The following CDH3 variants were observed in gnomAD, a reference collection of about 807,000 sequenced individuals.
The protein encoded by CDH3 is cadherin-3.
Under a neutral mutation model 82.0 loss-of-function variants are expected in CDH3, and 54 were observed. The observed-to-expected ratio is 0.66, with a 90% CI of 0.53 to 0.83. CDH3 has a LOEUF of 0.83. Ranked by LOEUF, CDH3 falls within the 40% of genes least tolerant of loss-of-function variation. CDH3 has a pLI of 0.00. For synonymous variants in CDH3, 446 were observed against 437.9 expected, an observed-to-expected ratio of 1.02 and a Z score of -0.23; for missense variants, 1,054 against 1,084.6, an observed-to-expected ratio of 0.97 and a Z score of 0.40.
At chr16:68,710,517 C>A (rs1050963018) in intron 1 of CDH3, among the ~76,000 whole-genome samples, 1 of 152,120 alleles carries the variant, frequency 6.6e-6, no homozygotes, top group Admixed American at 6.6e-5. Flanking sequence ...CACAGGACAG[C>A]CCCCACAGCA....
intron 3 of CDH3, 42 bp downstream of exon 3, chr16:68,676,512 C>T (rs1216862014): frequency 2.7e-6 from 4 of 1,487,756 alleles, no homozygotes; most frequent in South Asian, 2.3e-5. Context: ...GAAAGATGTT[C>T]TCTGTGCATG....
At chr16:68,649,481 C>T (rs1028749567) in intron 2 of CDH3, among the ~76,000 whole-genome samples, 3 of 152,242 alleles carry the variant, frequency 2.0e-5, no homozygotes, top group African/African-American at 4.8e-5. Flanking sequence ...CACTGTTCCA[C>T]AACTTCAACT....
At chr16:68,718,446 G>A (rs896958974) in intron 1 of CDH3, among the ~76,000 whole-genome samples, 6 of 152,016 alleles carry the variant, frequency 3.9e-5, no homozygotes, top group East Asian at 2.0e-4. Context: ...TTGGGAGGCC[G>A]AGGCGGGTGG....
Position 68,645,671 on chromosome 16 carries a change from C to T in CDH3, c.81C>T (p.Cys27=). ...CWLQCAASEP[C]RAVFREAEVT... ...TGCAGTGCGCGGCCTCCGAGCCGTG[C>T]CGGGCGGTCTTCAGGGAGGCTGAAG... The change falls in exon 2 of 16, where the codon TGC becomes TGT. Residue 27 remains cysteine, a synonymous_variant. Transcript: ENST00000264012. The T allele has an allele frequency of 6.5e-7, 1 of 1,544,708 alleles. No individual in the cohort carries two copies. The highest frequency in any genetic ancestry group is 8.7e-7 in the Non-Finnish European group (1 of 1,146,638).
At chr16:68,720,862 C>T (rs1313732264) in intron 1 of CDH3, among the ~76,000 whole-genome samples, 5 of 151,958 alleles carry the variant, frequency 3.3e-5, no homozygotes, top group Admixed American at 2.6e-4. Flanking sequence ...TCAAGTGATC[C>T]ACCCTCCTCG....
At chr16:68,650,621 C>T (rs550289753) in intron 2 of CDH3, among the ~76,000 whole-genome samples, 1 of 152,280 alleles carries the variant, frequency 6.6e-6, no homozygotes, top group Admixed American at 6.5e-5. Context: ...TTTAATATTT[C>T]CTGAAACTTC....
At chr16:68,691,990 G>T in intron 13 of CDH3, 64 bp downstream of exon 13, 1 of 1,357,446 alleles carries the variant, frequency 7.4e-7, no homozygotes, top group South Asian at 1.2e-5. Flanking sequence ...ATTCTACCTT[G>T]AGCTTTAACT....
intron 13 of CDH3, among the ~76,000 whole-genome samples, chr16:68,694,750 A>C (rs1325345938): frequency 3.9e-5 from 6 of 152,168 alleles, no homozygotes; most frequent in Admixed American, 3.3e-4. Flanking sequence ...ACTAAAAGAG[A>C]GTCTCATTGA....
chr16:68,657,726 C>A (rs1960443781), intron 2 of CDH3, among the ~76,000 whole-genome samples: 1 of 152,154 alleles, frequency 6.6e-6, no homozygotes, highest in African/African-American at 2.4e-5. Context: ...GACTCTGAGG[C>A]ATCTTAGGGC....
intron 2 of CDH3, among the ~76,000 whole-genome samples, chr16:68,646,321 C>T (rs1006571354): frequency 6.6e-6 from 1 of 152,174 alleles, no homozygotes; most frequent in Admixed American, 6.5e-5. Context: ...AAACTGGGCC[C>T]TGGCACACCT....
chr16:68,663,240 T>TC (rs1555505044), intron 2 of CDH3, among the ~76,000 whole-genome samples: 2 of 149,562 alleles, frequency 1.3e-5, no homozygotes, highest in African/African-American at 2.5e-5. Flanking sequence ...TTTTTTTTTT[T>TC]CTGAGACGGA....
At chr16:68,680,417 G>A (rs964996830) in intron 7 of CDH3, among the ~76,000 whole-genome samples, 8 of 152,152 alleles carry the variant, frequency 5.3e-5, no homozygotes, top group Non-Finnish European at 1.0e-4. Flanking sequence ...AGTGGCTCAC[G>A]CATGTAATCT....
At chr16:68,674,445 T>C (rs934399519) in intron 2 of CDH3, among the ~76,000 whole-genome samples, 107 of 152,324 alleles carry the variant, frequency 7.0e-4, no homozygotes, top group African/African-American at 2.4e-3. Flanking sequence ...AGGATTCTTC[T>C]TTTTCGGCCA....
intron 2 of CDH3, among the ~76,000 whole-genome samples, chr16:68,725,886 T>G (rs1962214014): frequency 6.6e-6 from 1 of 151,206 alleles, no homozygotes; most frequent in Non-Finnish European, 1.5e-5. Context: ...AAATACTGTC[T>G]CTACAAAAAA....
At chr16:68,653,149 C>G (rs891706128) in intron 2 of CDH3, among the ~76,000 whole-genome samples, 1 of 152,122 alleles carries the variant, frequency 6.6e-6, no homozygotes. Context: ...CCCTGCCAGA[C>G]CCCACCCCCT....
In CDH3 at chr16:68,687,533, C is replaced by A. The variant is rs376645345; in HGVS notation, c.1592C>A (p.Thr531Lys). 1.2e-6 allele frequency: 2 copies of A among 1,613,946 alleles called. No individual in the cohort carries two copies. The highest frequency in any genetic ancestry group is 1.7e-6 in the Non-Finnish European group (2 of 1,179,998). The change falls in exon 12 of 16, where the codon ACG becomes AAG. Residue 531 changes from threonine to lysine, a missense_variant. Thr to Lys is a moderately conservative substitution (Grantham distance 78, BLOSUM62 -1). Coordinates refer to ENST00000264012, the MANE Select transcript of CDH3 (RefSeq NM_001793.6). Reference protein sequence around the residue: ...MDNGSPPTTGTGTLLLTLIDV... With the variant: ...MDNGSPPTTGKGTLLLTLIDV... ...ACAGGAAGCCCTCCCACCACTGGCACGGGAACCCTTCTGCTAACACTGATT... is the reference window on the plus strand; with the variant it reads ...ACAGGAAGCCCTCCCACCACTGGCAAGGGAACCCTTCTGCTAACACTGATT...
chr16:68,651,179 G>C, intron 2 of CDH3: 1 of 491,044 alleles, frequency 2.0e-6, no homozygotes, highest in Non-Finnish European at 4.1e-6. Context: ...CCAAAGACCT[G>C]GCTGCTCTGG....
chr16:68,667,596 G>A (rs1960770364), intron 2 of CDH3, among the ~76,000 whole-genome samples: 1 of 152,194 alleles, frequency 6.6e-6, no homozygotes, highest in African/African-American at 2.4e-5. Context: ...GAGGTGTCTA[G>A]GCAAATTCCA....
At chr16:68,669,552 C>T (rs550982782) in intron 2 of CDH3, among the ~76,000 whole-genome samples, 15 of 151,556 alleles carry the variant, frequency 9.9e-5, no homozygotes, top group Non-Finnish European at 2.1e-4. Flanking sequence ...GTGAGTTGTA[C>T]ACTCTAGTGG....
Sources: allele counts gnomAD v4.1 joint callset (sites outside exome capture counted in the v4.1 genomes callset), GRCh38; gene constraint gnomAD v4.1.1; transcripts MANE v1.5; gene names NCBI Gene and HGNC (gene_info 2026-07-23, HGNC 2026-07-21).